Variants in TMEM232 observed in about 807,000 individuals in gnomAD.
The protein encoded by TMEM232 is transmembrane protein 232.
Under a neutral mutation model 78.8 loss-of-function variants are expected in TMEM232, and 80 were observed. The ratio of observed to expected loss-of-function variants is 1.01; its 90% confidence interval spans 0.85 to 1.22. The LOEUF (loss-of-function observed/expected upper bound fraction) is 1.22. Ranked by LOEUF, TMEM232 falls within the 50% of genes most tolerant of loss-of-function variation. TMEM232 has a pLI of 0.00. For synonymous variants in TMEM232, 297 were observed against 254.3 expected (o/e 1.17, Z -1.60); for missense variants, 881 against 742.2 (o/e 1.19, Z -2.17).
intron 11 of TMEM232, among the ~76,000 whole-genome samples, chr5:110,549,527 G>A (rs1283482179): frequency 6.8e-6 from 1 of 146,054 alleles, no homozygotes; most frequent in African/African-American, 2.5e-5. Flanking sequence ...AGACAGTAGA[G>A]TCGCTTGAGC....
At chr5:110,721,689 G>A (rs58253596) in intron 1 of TMEM232, among the ~76,000 whole-genome samples, 196 of 8,848 alleles carry the variant, frequency 0.022, 1 homozygote, top group East Asian at 0.15. Context: ...ATATATCTGT[G>A]TGTGTTAGTG....
chr5:110,405,249 A>G (rs1755742593), intron 2 of TMEM232, among the ~76,000 whole-genome samples: 1 of 152,136 alleles, frequency 6.6e-6, no homozygotes, highest in East Asian at 1.9e-4. Context: ...ATTTGATTAT[A>G]AAGATTCTGA....
intron 9 of TMEM232, 100 bp from the exon 10 acceptor site, chr5:110,605,458 T>C (rs1276242969): frequency 7.6e-7 from 1 of 1,319,620 alleles, no homozygotes; most frequent in African/African-American, 1.5e-5. Flanking sequence ...CATAATAAAC[T>C]AATATATCTA....
chr5:110,496,524 T>C (rs779243751), intron 12 of TMEM232, among the ~76,000 whole-genome samples: 2 of 152,038 alleles, frequency 1.3e-5, no homozygotes, highest in Non-Finnish European at 1.5e-5. Flanking sequence ...ATGTGGAATA[T>C]ATGCCAATTA....
intron 3 of TMEM232, among the ~76,000 whole-genome samples, chr5:110,390,992 A>T (rs1432870449): frequency 6.6e-6 from 1 of 152,234 alleles, no homozygotes; most frequent in East Asian, 1.9e-4. Flanking sequence ...GACCGGAGTT[A>T]GAACCAGTGG....
rs572597039 is a variant in TMEM232, at chr5:110,573,610, T to A, written c.1277-4985A>T. On this transcript the variant is annotated intron_variant, in intron 10 of 13. Coordinates refer to ENST00000455884, the MANE Select transcript of TMEM232 (RefSeq NM_001039763.4). ...GAGACAGATATAAAGAAAGTAAGTA[T>A]AACAGTATCAGTTTATTATGAATGT... is the stretch of plus-strand genomic sequence containing the variant. Among the ~76,000 whole-genome samples, 1,010 of 152,206 alleles carry A rather than the reference T, an allele frequency of 6.6e-3. 11 individuals are homozygous for A. Among genetic ancestry groups the A allele is most frequent in the African/African-American group, 0.023 (946 of 41,558 alleles).
At chr5:110,517,006 C>A (rs1222881028) in intron 12 of TMEM232, among the ~76,000 whole-genome samples, 1 of 152,142 alleles carries the variant, frequency 6.6e-6, no homozygotes, top group African/African-American at 2.4e-5. Flanking sequence ...TGTTCTCTGC[C>A]CTTTTAAATG....
chr5:110,524,856 A>G (rs1467373347), intron 12 of TMEM232, among the ~76,000 whole-genome samples: 1 of 152,050 alleles, frequency 6.6e-6, no homozygotes, highest in African/African-American at 2.4e-5. Context: ...TAATTGTTAT[A>G]TCTTTCTAGT....
chr5:110,608,459 TAA>T (rs111758265), intron 8 of TMEM232, among the ~76,000 whole-genome samples: 3,994 of 151,998 alleles, frequency 0.026, 177 homozygotes, highest in African/African-American at 0.09. Context: ...TACGGTCAAT[TAA>T]AAGAGAGGAT....
At chr5:110,666,390 T>C (rs913622252) in intron 2 of TMEM232, among the ~76,000 whole-genome samples, 5 of 152,194 alleles carry the variant, frequency 3.3e-5, no homozygotes, top group African/African-American at 1.2e-4. Flanking sequence ...GACTTGGTCA[T>C]TCTATTATAA....
rs996754705 is a variant in TMEM232, at chr5:110,682,459, G to A, written c.-12-15095C>T. Among the ~76,000 whole-genome samples the A allele has an allele frequency of 2.0e-5, 3 of 151,584 alleles. No homozygotes were observed. The South Asian group carries it at 6.2e-4, about 32-fold the overall frequency. On this transcript the variant is annotated intron_variant, in intron 1 of 13. Transcript: ENST00000455884. Reference sequence around the variant, plus strand: ...GCTCTCTGCTTGCTCTAATGTTCTTGGCTTATAAAGCATCCCACTGTGGAA... The same window carrying A: ...GCTCTCTGCTTGCTCTAATGTTCTTAGCTTATAAAGCATCCCACTGTGGAA...
chr5:110,509,980 ACT>A (rs1192087252), intron 12 of TMEM232, among the ~76,000 whole-genome samples: 2 of 151,642 alleles, frequency 1.3e-5, no homozygotes, highest in African/African-American at 4.8e-5. Flanking sequence ...TTTTCTTCTA[ACT>A]CTCTGGCTGT....
rs554858011 is a variant in TMEM232, at chr5:110,673,350, G to A, written c.-12-5986C>T. Reference sequence around the variant, plus strand: ...GATAGTATTAGGAGATAAACCTAATGTTAAATGACGAGTTAATGGGTGCAG... The same window carrying A: ...GATAGTATTAGGAGATAAACCTAATATTAAATGACGAGTTAATGGGTGCAG... On this transcript the variant is annotated intron_variant, in intron 1 of 13. Coordinates refer to ENST00000455884, the MANE Select transcript of TMEM232 (RefSeq NM_001039763.4). Among the ~76,000 whole-genome samples, 47 of 152,004 alleles carry A rather than the reference G, an allele frequency of 3.1e-4. 1 individual carries two copies. The highest frequency in any genetic ancestry group is 8.5e-4 in the Admixed American group (13 of 15,246).
At chr5:110,637,484 C>T (rs1786010296) in intron 5 of TMEM232, among the ~76,000 whole-genome samples, 1 of 151,782 alleles carries the variant, frequency 6.6e-6, no homozygotes, top group Admixed American at 6.6e-5. Flanking sequence ...TGCTCGATTT[C>T]TAACAGTTTA....
At chr5:110,642,512 T>C (rs1381377577) in intron 2 of TMEM232, 141 bp from the exon 3 acceptor site, 1 of 576,946 alleles carries the variant, frequency 1.7e-6, no homozygotes. Flanking sequence ...ACAAAAAAAA[T>C]CAGTAAAAGA....
intron 12 of TMEM232, among the ~76,000 whole-genome samples, chr5:110,525,591 C>G (rs1193124275): frequency 6.6e-6 from 1 of 151,782 alleles, no homozygotes; most frequent in Non-Finnish European, 1.5e-5. Context: ...GATACTATAT[C>G]TCAACATTAT....
intron 1 of TMEM232, among the ~76,000 whole-genome samples, chr5:110,689,374 A>G (rs1793814396): frequency 2.0e-5 from 3 of 152,014 alleles, no homozygotes; most frequent in Admixed American, 2.0e-4. Context: ...TTTTAACTTT[A>G]TAGTACTAAA....
At chr5:110,398,512 C>A (rs1237874348) in intron 2 of TMEM232, among the ~76,000 whole-genome samples, 1 of 152,084 alleles carries the variant, frequency 6.6e-6, no homozygotes, top group Non-Finnish European at 1.5e-5. Flanking sequence ...TCACTTCTTG[C>A]CATGGACAGA....
intron 1 of TMEM232, among the ~76,000 whole-genome samples, chr5:110,724,745 T>A (rs1368009596): frequency 6.6e-6 from 1 of 152,220 alleles, no homozygotes; most frequent in Admixed American, 6.5e-5. Context: ...AAATGACTAG[T>A]CTTCTGCAGA....
Sources: allele counts gnomAD v4.1 joint callset (sites outside exome capture counted in the v4.1 genomes callset), GRCh38; gene constraint gnomAD v4.1.1; transcripts MANE v1.5; gene names NCBI Gene and HGNC (gene_info 2026-07-23, HGNC 2026-07-21).